Variants in DNAJB12 observed in about 807,000 individuals in gnomAD.
DNAJB12 encodes the protein DnaJ heat shock protein family (Hsp40) member B12, also known as dnaJ homolog subfamily B member 12.
A neutral mutation model predicts 40.6 loss-of-function variants in DNAJB12; 14 were observed. The ratio of observed to expected loss-of-function variants is 0.34; its 90% CI spans 0.23 to 0.54. The LOEUF is 0.54. Ranked by LOEUF, DNAJB12 falls within the 20% of genes least tolerant of loss-of-function variation. The pLI is 0.92. For synonymous variants in DNAJB12, 181 were observed against 199.5 expected (o/e 0.91, Z 0.78); for missense variants, 444 against 501.7 (o/e 0.89, Z 1.10).
intron 6 of DNAJB12, among the ~76,000 whole-genome samples, chr10:72,337,126 C>G (rs576749037): frequency 6.6e-6 from 1 of 152,172 alleles, no homozygotes; most frequent in African/African-American, 2.4e-5. Context: ...AGGAAGGGCT[C>G]CAGGGAGCCT....
chr10:72,339,201 T>C (rs1429518527), intron 5 of DNAJB12, among the ~76,000 whole-genome samples: 1 of 133,426 alleles, frequency 7.5e-6, no homozygotes, highest in Non-Finnish European at 1.5e-5. Flanking sequence ...GGGAGGCTCC[T>C]GCACTCTAGC....
At chr10:72,344,101 G>A (rs893798707) in intron 2 of DNAJB12, among the ~76,000 whole-genome samples, 5 of 152,022 alleles carry the variant, frequency 3.3e-5, no homozygotes, top group African/African-American at 1.2e-4. Flanking sequence ...AGTGGCAGGT[G>A]ACTGTTCACC....
chr10:72,343,619 C>T, intron 2 of DNAJB12, 108 bp from the exon 3 acceptor site: 1 of 1,219,440 alleles, frequency 8.2e-7, no homozygotes, highest in Non-Finnish European at 1.2e-6. Flanking sequence ...TGCGGGGGAC[C>T]AACAGGGCAA....
Position 72,335,766 on chromosome 10 carries a change from G to A in DNAJB12, c.*30+14C>T, listed in dbSNP as rs1348742749. 1 of 1,610,582 alleles carries A rather than the reference G, an allele frequency of 6.2e-7. No homozygotes were observed. Among genetic ancestry groups the A allele is most frequent in the Non-Finnish European group, 8.5e-7 (1 of 1,177,964 alleles). ...TGCCAGGAGTTGCAGGGTGGAGGCAGCCCTGGCTCATACTTGGACCTCGGT... is the reference window on the plus strand; with the variant it reads ...TGCCAGGAGTTGCAGGGTGGAGGCAACCCTGGCTCATACTTGGACCTCGGT... On this transcript the variant is annotated intron_variant, in intron 8 of 8. Coordinates refer to ENST00000444643, the MANE Select transcript of DNAJB12 (RefSeq NM_017626.7). The surrounding 1 kb of genome is among the most constrained non-coding windows in gnomAD (Gnocchi z 4.4).
intron 7 of DNAJB12, 141 bp downstream of exon 7, chr10:72,336,383 C>G (rs1861474341): frequency 1.1e-6 from 1 of 904,010 alleles, no homozygotes; most frequent in African/African-American, 1.7e-5. Context: ...CAGCTCTTGT[C>G]TGGGAGGTGG....
chr10:72,346,611 C>T (rs1456241754), intron 1 of DNAJB12, among the ~76,000 whole-genome samples: 1 of 152,180 alleles, frequency 6.6e-6, no homozygotes, highest in African/African-American at 2.4e-5. Flanking sequence ...AGGTGTGAGC[C>T]ACCGTGCCCG....
At chr10:72,345,971 A>G (rs1296586960) in intron 1 of DNAJB12, among the ~76,000 whole-genome samples, 1 of 152,108 alleles carries the variant, frequency 6.6e-6, no homozygotes, top group East Asian at 1.9e-4. Context: ...TTTGTTAATA[A>G]AAATTGACAT....
At chr10:72,347,458 G>C (rs1319028707) in intron 1 of DNAJB12, among the ~76,000 whole-genome samples, 1 of 152,194 alleles carries the variant, frequency 6.6e-6, no homozygotes, top group African/African-American at 2.4e-5. Context: ...TTGCCCAAGG[G>C]GGACACAGAT....
Position 72,341,050 on chromosome 10 carries a change from C to A in DNAJB12, c.578G>T (p.Gly193Val). The change falls in exon 4 of 9, where the codon GGC becomes GTC. Residue 193 changes from glycine (G) to valine (V), a missense_variant. By Grantham distance (109) the Gly-to-Val change is moderately radical (BLOSUM62 -3). Coordinates refer to ENST00000444643, the MANE Select transcript of DNAJB12 (RefSeq NM_017626.7). The part of the protein sequence containing the change: ...HGHGHGDFHR[G>V]FEADISPEDL... ...TTCAGGGGAGATGTCGGCCTCAAAG[C>A]CACGGTGGAAATCCCCATGCCCATG... 2.5e-6 allele frequency: 4 copies of A among 1,614,160 alleles called. No homozygotes were observed. In the South Asian group the frequency reaches 4.4e-5, roughly 18 times the overall value.
At chr10:72,350,655 C>A (rs12098260) in intron 1 of DNAJB12, among the ~76,000 whole-genome samples, 3,602 of 152,164 alleles carry the variant, frequency 0.024, 129 homozygotes, top group African/African-American at 0.083. Context: ...CTCTGTGTAC[C>A]TACGGTGCTC....
At chr10:72,351,931 C>T (rs1177068792) in intron 1 of DNAJB12, among the ~76,000 whole-genome samples, 1 of 152,200 alleles carries the variant, frequency 6.6e-6, no homozygotes, top group Admixed American at 6.5e-5. Context: ...GTCACAGGGG[C>T]TTCAATTCTG....
Position 72,336,217 on chromosome 10 carries a change from CAG to C in DNAJB12, c.1007-288_1007-287del, listed in dbSNP as rs1432612600. On this transcript the variant is annotated intron_variant, in intron 7 of 8. Transcript: ENST00000444643. ...CCACAGACAGATCCAGGAGCACAGT[CAG>C]GGGGTGGCCAGGGATCCATCCGCTC... 4.6e-5 allele frequency among the ~76,000 whole-genome samples: 7 copies of C among 152,228 alleles called. No individual in the cohort carries two copies. The East Asian group carries it at 1.2e-3, about 25-fold the overall frequency.
At chr10:72,343,549 A>G in intron 2 of DNAJB12, 38 bp from the exon 3 acceptor site, 4 of 1,611,104 alleles carry the variant, frequency 2.5e-6, no homozygotes, top group South Asian at 1.1e-5. Context: ...GGTGCTCTAC[A>G]TGGGTCTGTG....
chr10:72,334,414 C>G lies in DNAJB12; in HGVS notation c.*234G>C, dbSNP rs72808118. 41,226 of 770,700 alleles carry G rather than the reference C, an allele frequency of 0.053. 2,670 individuals carry two copies. Among genetic ancestry groups the G allele is most frequent in the African/African-American group, 0.26 (14,397 of 55,710 alleles). 47.7% of individuals were successfully genotyped at this position (770,700 alleles called of 1,614,324 possible). A position where few individuals can be genotyped will look rare whatever the true frequency, so the allele number is the denominator to read the frequency against. On this transcript the variant is annotated 3_prime_UTR_variant, in exon 9 of 9. Coordinates refer to ENST00000444643, the MANE Select transcript of DNAJB12 (RefSeq NM_017626.7). ...CGATGCGGAGCCTCCGCCAGCCCTG[C>G]GAGGGAGGGAAGCAGCCCCATGGCA...
chr10:72,343,524 G>A lies in DNAJB12; in HGVS notation c.312-13C>T, dbSNP rs1236891476. The stretch of plus-strand genomic sequence containing the variant: ...ACATTGCTTGACCCTGGGGAAGGAG[G>A]AGACCATGGTACGGGGTGCTCTACA... On this transcript the variant is annotated splice_polypyrimidine_tract_variant and intron_variant, in intron 2 of 8. Transcript: ENST00000444643. The A allele has an allele frequency of 1.2e-6, 2 of 1,613,998 alleles. No homozygotes were observed. The highest frequency in any genetic ancestry group is 1.3e-5 in the African/African-American group (1 of 75,048).
intron 2 of DNAJB12, 112 bp downstream of exon 2, chr10:72,344,838 C>T: frequency 7.7e-7 from 1 of 1,295,900 alleles, no homozygotes; most frequent in East Asian, 2.3e-5. Flanking sequence ...CCTCCAAGAC[C>T]CTCCCAGGGC....
chr10:72,335,605 T>G lies in DNAJB12; in HGVS notation c.*30+175A>C. On this transcript the variant is annotated intron_variant, in intron 8 of 8. Transcript: ENST00000444643. This position sits in a 1 kb window ranked among gnomAD's most constrained non-coding sequence, Gnocchi z 4.4. ...ATCGCTAGAGGGCGGAAACCGACCT[T>G]GGTTTCCCAGCAGGCCCCACAGCTG... 1 of 1,389,290 alleles carries G rather than the reference T, an allele frequency of 7.2e-7. No homozygotes were observed. Among genetic ancestry groups the G allele is most frequent in the African/African-American group, 1.5e-5 (1 of 68,270 alleles). The allele number at this position is 1,389,290 out of a possible 1,614,324, so 86.1% of individuals were successfully genotyped here. A position where few individuals can be genotyped will look rare whatever the true frequency, so the allele number is the denominator to read the frequency against.
intron 1 of DNAJB12, among the ~76,000 whole-genome samples, chr10:72,350,398 CAAAAAAAAAAAAAAA>C (rs35316232): frequency 1.1e-4 from 3 of 27,802 alleles, no homozygotes; most frequent in Admixed American, 9.8e-4. Flanking sequence ...GACCCTGTCT[CAAAAAAAAAAAAAAA>C]AAAAAAAAAA....
intron 6 of DNAJB12, 137 bp from the exon 7 acceptor site, chr10:72,336,833 G>T: frequency 1.5e-6 from 1 of 661,246 alleles, no homozygotes; most frequent in Admixed American, 2.9e-5. Context: ...GCAGGGACCC[G>T]CACACTCCCT....
Sources: allele counts gnomAD v4.1 joint callset (sites outside exome capture counted in the v4.1 genomes callset), GRCh38; gene constraint gnomAD v4.1.1; non-coding constraint Gnocchi (gnomAD v3.1); transcripts MANE v1.5; gene names NCBI Gene and HGNC (gene_info 2026-07-23, HGNC 2026-07-21).